OSBPL9: variants seen among roughly 807,000 people sequenced by gnomAD.
The protein encoded by OSBPL9 is oxysterol binding protein like 9.
Under a neutral mutation model 106.6 loss-of-function variants are expected in OSBPL9, and 40 were observed. The ratio of observed to expected loss-of-function variants is 0.38; its 90% CI spans 0.29 to 0.49. The LOEUF (loss-of-function observed/expected upper bound fraction) is 0.49, where lower values mean the gene tolerates loss of function less well. Among genes scored for constraint, OSBPL9 ranks in the 20% least tolerant of loss-of-function variants. The pLI is 0.97. For missense variants in OSBPL9, 609 were observed against 887.2 expected (o/e 0.69, Z 3.98); for synonymous variants, 269 against 295.4 (o/e 0.91, Z 0.92).
At chr1:51,637,985 G>A (rs1645560987) in intron 1 of OSBPL9, among the ~76,000 whole-genome samples, 1 of 152,094 alleles carries the variant, frequency 6.6e-6, no homozygotes. Context: ...TCTTTCTCTA[G>A]TTCTAAAATA....
chr1:51,756,195 G>A, intron 8 of OSBPL9, 125 bp from the exon 9 acceptor site: 1 of 748,068 alleles, frequency 1.3e-6, no homozygotes, highest in East Asian at 2.7e-5. Context: ...AATCTTAGTG[G>A]AGGCAGATAA....
intron 1 of OSBPL9, among the ~76,000 whole-genome samples, chr1:51,642,626 A>G (rs898778914): frequency 4.6e-5 from 7 of 152,170 alleles, no homozygotes; most frequent in Admixed American, 3.3e-4. Flanking sequence ...CCCTCATGAA[A>G]TGGTCACTTA....
intron 3 of OSBPL9, among the ~76,000 whole-genome samples, chr1:51,671,014 A>C (rs765245985): frequency 6.6e-6 from 1 of 152,188 alleles, no homozygotes; most frequent in East Asian, 1.9e-4. Context: ...TAAATTATTT[A>C]TGTCCCCTTT....
chr1:51,617,026 G>GCCCCC, upstream of OSBPL9: 2 of 636,760 alleles, frequency 3.1e-6, no homozygotes, highest in East Asian at 8.7e-5. Flanking sequence ...GACCCGCCCC[G>GCCCCC]CCCCCTGCGG....
intron 3 of OSBPL9, among the ~76,000 whole-genome samples, chr1:51,689,820 T>C (rs548312889): frequency 1.3e-5 from 2 of 152,354 alleles, no homozygotes; most frequent in African/African-American, 2.4e-5. Flanking sequence ...TTTCCCTAAG[T>C]CTACATTCCC....
At position 51,748,540 on chromosome 1, in the gene OSBPL9, A is replaced by AT. The variant is rs201693979; in HGVS notation, c.492+151dup. 6.8e-4 allele frequency: 647 copies of AT among 951,422 alleles called. 1 individual carries two copies. Among genetic ancestry groups the AT allele is most frequent in the East Asian group, 1.7e-3 (47 of 27,134 alleles). The allele number at this position is 951,422 out of a possible 1,614,324, so 58.9% of individuals were successfully genotyped here. A position where few individuals can be genotyped will look rare whatever the true frequency, so the allele number is the denominator to read the frequency against. ...TTATACAGGGGTGCTTAAGCATTGT[A>AT]TTTTTTTTTAAAGGAATTTAAAATA... On this transcript the variant is annotated intron_variant, in intron 7 of 23. Transcript: ENST00000428468.
chr1:51,778,578 T>C (rs1675592176), intron 15 of OSBPL9, among the ~76,000 whole-genome samples: 1 of 152,160 alleles, frequency 6.6e-6, no homozygotes, highest in African/African-American at 2.4e-5. Flanking sequence ...TTATCAAGAA[T>C]AAATAATACT....
In OSBPL9 at chr1:51,607,164, CT is replaced by C. The variant is rs1320905927; in HGVS notation, c.-352-7124del. ...GATGTTTTTCTTTTCTTTTCTTTTT[CT>C]TTTTTTTTTTTTTTTTGAGACAGAG... On this transcript the variant is annotated intron_variant, in intron 2 of 25. Coordinates refer to the OSBPL9 transcript ENST00000371714. Among the ~76,000 whole-genome samples, 799 of 136,354 alleles carry C rather than the reference CT, an allele frequency of 5.9e-3. 1 individual carries two copies. Among genetic ancestry groups the C allele is most frequent in the Non-Finnish European group, 8.1e-3 (511 of 63,060 alleles). The allele number at this position is 136,354 out of a possible 152,430, so 89.5% of individuals were successfully genotyped here. A position where few individuals can be genotyped will look rare whatever the true frequency, so the allele number is the denominator to read the frequency against.
chr1:51,554,354 G>C, the OSBPL9 span, among the ~76,000 whole-genome samples: 2 of 151,952 alleles, frequency 1.3e-5, no homozygotes, highest in African/African-American at 4.8e-5. Flanking sequence ...GACTCTAGAC[G>C]GTTAAAAATT....
intron 3 of OSBPL9, among the ~76,000 whole-genome samples, chr1:51,711,622 A>G (rs1344067366): frequency 4.0e-5 from 5 of 126,486 alleles, no homozygotes; most frequent in East Asian, 2.4e-4. Flanking sequence ...CAGACGGGGC[A>G]GCTGCTGGGC....
At chr1:51,542,259 G>A in the OSBPL9 span, among the ~76,000 whole-genome samples, 1 of 152,220 alleles carries the variant, frequency 6.6e-6, no homozygotes, top group Non-Finnish European at 1.5e-5. Flanking sequence ...GTGAGGTAAA[G>A]AGTAGTTTCC....
chr1:51,761,059 T>C (rs1287264948), intron 10 of OSBPL9, among the ~76,000 whole-genome samples: 1 of 152,250 alleles, frequency 6.6e-6, no homozygotes, highest in Non-Finnish European at 1.5e-5. Context: ...CAGGATTCTA[T>C]GACTCAGAAT....
chr1:51,618,154 G>A lies in OSBPL9; in HGVS notation c.111+933G>A, dbSNP rs181334231. Among the ~76,000 whole-genome samples, 3 of 152,180 alleles carry A rather than the reference G, an allele frequency of 2.0e-5. No individual in the cohort carries two copies. In the East Asian group the frequency reaches 5.8e-4, roughly 29 times the overall value. ...TGCCTCTGGCCTCCCTAGTAGCTGG[G>A]ATCACAGGCATGCGCCACCACACCC... is the stretch of plus-strand genomic sequence containing the variant. On this transcript the variant is annotated intron_variant, in intron 1 of 23. Transcript: ENST00000428468.
intron 1 of OSBPL9, among the ~76,000 whole-genome samples, chr1:51,619,025 T>C (rs1644262292): frequency 6.6e-6 from 1 of 152,208 alleles, no homozygotes; most frequent in African/African-American, 2.4e-5. Context: ...TAAACCTTAA[T>C]GAGTCTTAAA....
At chr1:51,675,148 C>T (rs527736349) in intron 3 of OSBPL9, among the ~76,000 whole-genome samples, 18 of 152,192 alleles carry the variant, frequency 1.2e-4, no homozygotes, top group African/African-American at 2.2e-4. Flanking sequence ...GCATTTCTCA[C>T]GACACATCTC....
chr1:51,580,934 ATATATATATATATATATATAAC>A (rs1645217638), intron 1 of OSBPL9, among the ~76,000 whole-genome samples: 1 of 416 alleles, frequency 2.4e-3, no homozygotes, highest in African/African-American at 7.2e-3. Flanking sequence ...ATATATATAT[ATATATATATATATATATATAAC>A]TTTTTTGAAA....
At chr1:51,780,083 GAAAA>G (rs551088535) in intron 15 of OSBPL9, among the ~76,000 whole-genome samples, 5 of 75,536 alleles carry the variant, frequency 6.6e-5, no homozygotes, top group Non-Finnish European at 1.4e-4. Flanking sequence ...ATCTCAAAAA[GAAAA>G]AAAAAAAAAA....
At chr1:51,611,653 C>T (rs1643988705) in intron 2 of OSBPL9, among the ~76,000 whole-genome samples, 1 of 152,134 alleles carries the variant, frequency 6.6e-6, no homozygotes, top group South Asian at 2.1e-4. Flanking sequence ...TGGAGAAACA[C>T]AAGCCATTCT....
chr1:51,630,975 T>C (rs914106071), intron 1 of OSBPL9, among the ~76,000 whole-genome samples: 2 of 152,244 alleles, frequency 1.3e-5, no homozygotes, highest in African/African-American at 2.4e-5. Context: ...CAATGGGTTC[T>C]TTCTGCCCAC....
Sources: allele counts gnomAD v4.1 joint callset (sites outside exome capture counted in the v4.1 genomes callset), GRCh38; gene constraint gnomAD v4.1.1; transcripts MANE v1.5; gene names NCBI Gene and HGNC (gene_info 2026-07-23, HGNC 2026-07-21).